Variants in NOX1 observed in about 807,000 individuals in gnomAD.
NOX1 encodes NADH/NADPH mitogenic oxidase subunit P65-MOX.
In NOX1, 34 loss-of-function variants were observed where a neutral mutation model predicts 42.5. The ratio of observed to expected loss-of-function variants is 0.80; its 90% CI spans 0.61 to 1.07. The LOEUF (loss-of-function observed/expected upper bound fraction) is 1.07. Among genes scored for constraint, NOX1 ranks in the 50% least tolerant of loss-of-function variants. The pLI, the probability that NOX1 is intolerant of heterozygous loss-of-function variation, is 0.00. For synonymous variants in NOX1, 143 were observed against 152.5 expected (o/e 0.94, Z 0.46); for missense variants, 408 against 427.0 (o/e 0.96, Z 0.39).
Position 100,847,766 on chromosome X carries a change from CA to C in NOX1, c.1568+863del, listed in dbSNP as rs11404159. Among the ~76,000 whole-genome samples the C allele has an allele frequency of 4.1e-3, 250 of 60,689 alleles. 3 individuals are homozygous for C. Among genetic ancestry groups the C allele is most frequent in the South Asian group, 5.7e-3 (5 of 880 alleles). 52.7% of individuals were successfully genotyped at this position (60,689 alleles called of 115,157 possible). ...GGGCGACAAGAGCGAAACTCCATCT[CA>C]AAAAAAAAAAAAAAAAAAGGTAATC... On this transcript the variant is annotated intron_variant, in intron 12 of 12. Transcript: ENST00000372966.
chrX:100,872,591 C>T (rs12838681), intron 1 of NOX1, among the ~76,000 whole-genome samples: 1 of 110,958 alleles, frequency 9.0e-6, no homozygotes, highest in Non-Finnish European at 1.9e-5. Flanking sequence ...GATGAAAATT[C>T]AAAGCTAGAG....
intron 2 of NOX1, among the ~76,000 whole-genome samples, chrX:100,865,605 G>C (rs914083847): frequency 6.2e-5 from 7 of 112,709 alleles, no homozygotes; most frequent in African/African-American, 1.9e-4. Flanking sequence ...ATGAATTTAA[G>C]AAATAACCTG....
At position 100,849,784 on chromosome X, in the gene NOX1, G is replaced by T; in HGVS notation, c.1284C>A (p.Leu428=). Residue 428 remains leucine, a synonymous_variant, in exon 10 of 13, where the codon CTC becomes CTA. Transcript: ENST00000372966. ...TACGGGATTATACCTTTTTTGTTTT[G>T]AGGTTGTGGTCTGCACACTGGAATT... ...WYKFQCADHN[L]KTKKIYFYWI... is the part of the protein sequence containing the mutation. 2.5e-6 allele frequency: 3 copies of T among 1,197,389 alleles called. No homozygotes were observed. Among genetic ancestry groups the T allele is most frequent in the Non-Finnish European group, 3.4e-6 (3 of 890,912 alleles).
chrX:100,850,313 T>A lies in NOX1; in HGVS notation c.971A>T (p.Tyr324Phe). The change falls in exon 9 of 13, where the codon TAT (tyrosine) becomes TTT (phenylalanine). Residue 324 changes from tyrosine to phenylalanine, a missense_variant. Transcript: ENST00000372966. ...GATTGAGGGGCAATTAACAAAGATA[T>A]ACTGCCCCACTTCCATGCTGAAGCC... ...KRGFSMEVGQ[Y>F]IFVNCPSISL... is the part of the protein sequence containing the mutation. 8.3e-7 allele frequency: 1 copy of A among 1,209,320 alleles called. No individual in the cohort carries two copies. Among genetic ancestry groups the A allele is most frequent in the Non-Finnish European group, 1.1e-6 (1 of 893,871 alleles).
At chrX:100,864,783 T>C (rs2085227501) in intron 2 of NOX1, among the ~76,000 whole-genome samples, 1 of 112,201 alleles carries the variant, frequency 8.9e-6, no homozygotes, top group Non-Finnish European at 1.9e-5. Context: ...CTGAGTCTAC[T>C]TCATGAACTT....
intron 4 of NOX1, 59 bp downstream of exon 4, chrX:100,863,100 G>A: frequency 4.6e-6 from 4 of 871,336 alleles, no homozygotes; most frequent in Non-Finnish European, 6.8e-6. Context: ...ATGGATGGAT[G>A]AATGAAGCAA....
At chrX:100,853,304 T>TTC (rs1569445625) in intron 7 of NOX1, among the ~76,000 whole-genome samples, 24 of 78,375 alleles carry the variant, frequency 3.1e-4, no homozygotes, top group African/African-American at 1.2e-3. Flanking sequence ...CTTTCTTTCT[T>TTC]TCTTTCTTTC....
intron 12 of NOX1, among the ~76,000 whole-genome samples, chrX:100,847,338 C>T (rs146577323): frequency 0.015 from 1,732 of 111,744 alleles, 34 homozygotes; most frequent in African/African-American, 0.053. Flanking sequence ...ACCTCTTTCA[C>T]GGAGTGCATT....
Position 100,862,278 on chromosome X carries a change from C to A in NOX1, c.697G>T (p.Glu233Ter), listed in dbSNP as rs745833490. ...IGGIVRGQTE[E>*]SMNESHPRKC... ...CGAGGATGACTCTCATTCATGCTCT[C>A]CTCTGTTTGACCCCGGACAATTCCA... is the stretch of plus-strand genomic sequence containing the variant. Residue 233 changes from glutamate (E) to a stop codon, truncating the protein, a stop_gained, in exon 7 of 13, where the codon GAG (glutamate) becomes TAG (stop). Transcript: ENST00000372966. LOFTEE classifies it high-confidence loss of function. The A allele has an allele frequency of 8.3e-7, 1 of 1,209,003 alleles. No individual in the cohort carries two copies. The highest frequency in any genetic ancestry group is 1.1e-6 in the Non-Finnish European group (1 of 894,961).
At chrX:100,846,201 G>A (rs1341441333) in intron 12 of NOX1, among the ~76,000 whole-genome samples, 2 of 111,894 alleles carry the variant, frequency 1.8e-5, no homozygotes, top group African/African-American at 6.5e-5. Context: ...GATTACAGGC[G>A]CGAGCCACCA....
chrX:100,849,542 C>G (rs1446080129), intron 10 of NOX1, 116 bp from the exon 11 acceptor site: 4 of 819,073 alleles, frequency 4.9e-6, no homozygotes, highest in Non-Finnish European at 6.8e-6. Context: ...TCCTTAGGAA[C>G]GAGCCTTCCA....
At chrX:100,862,629 A>G in intron 5 of NOX1, 40 bp downstream of exon 5, 1 of 1,193,790 alleles carries the variant, frequency 8.4e-7, no homozygotes, top group Non-Finnish European at 1.1e-6. Context: ...CTTCCTGCTC[A>G]TGACCAGATC....
intron 1 of NOX1, among the ~76,000 whole-genome samples, chrX:100,872,650 A>T (rs1055642496): frequency 4.5e-5 from 5 of 110,548 alleles, no homozygotes; most frequent in Admixed American, 3.9e-4. Context: ...CCAGCAAAAA[A>T]TAAGAGAGGG....
intron 7 of NOX1, among the ~76,000 whole-genome samples, chrX:100,851,680 G>A (rs1227239191): frequency 8.9e-6 from 1 of 111,813 alleles, no homozygotes; most frequent in African/African-American, 3.2e-5. Flanking sequence ...AGGAGGCCGA[G>A]GCGGGCAGAC....
chrX:100,850,118 T>C, intron 9 of NOX1, 33 bp downstream of exon 9: 8 of 1,117,354 alleles, frequency 7.2e-6, no homozygotes, highest in Non-Finnish European at 8.6e-6. Context: ...GTCTGCATCC[T>C]GGTCTGGGAC....
intron 12 of NOX1, among the ~76,000 whole-genome samples, chrX:100,845,179 G>A (rs1391188315): frequency 9.0e-6 from 1 of 111,018 alleles, no homozygotes. Context: ...TTCATCATCC[G>A]CAAAGAAACC....
chrX:100,857,458 C>T (rs1363115986), intron 7 of NOX1, among the ~76,000 whole-genome samples: 9 of 112,184 alleles, frequency 8.0e-5, no homozygotes, highest in Non-Finnish European at 1.7e-4. Context: ...TACCACACTG[C>T]TTTCCACAAT....
intron 2 of NOX1, among the ~76,000 whole-genome samples, chrX:100,867,600 G>A (rs918952007): frequency 1.1e-4 from 12 of 111,661 alleles, no homozygotes; most frequent in South Asian, 3.7e-4. Flanking sequence ...GCTTGGTGGC[G>A]CACACCTGTG....
At chrX:100,873,245 G>A (rs2085287098) in intron 1 of NOX1, among the ~76,000 whole-genome samples, 1 of 111,657 alleles carries the variant, frequency 9.0e-6, no homozygotes, top group African/African-American at 3.3e-5. Context: ...TAGAGTGTTA[G>A]GAGAAAGGGA....
Sources: allele counts gnomAD v4.1 joint callset (sites outside exome capture counted in the v4.1 genomes callset), GRCh38; gene constraint gnomAD v4.1.1; transcripts MANE v1.5; gene names NCBI Gene and HGNC (gene_info 2026-07-23, HGNC 2026-07-21).